The following HSPA12A variants were observed in gnomAD, a reference collection of about 807,000 sequenced individuals.
The protein encoded by HSPA12A is heat shock 70 kDa protein 12A.
Under a neutral mutation model 69.2 loss-of-function variants are expected in HSPA12A, and 28 were observed. The observed-to-expected ratio is 0.40, with a 90% confidence interval of 0.30 to 0.55. The LOEUF is 0.55. HSPA12A is among the 20% of genes least tolerant of loss of function. HSPA12A has a pLI of 0.38. For missense variants in HSPA12A, 686 were observed against 900.7 expected (o/e 0.76, Z 3.05); for synonymous variants, 345 against 370.5 (o/e 0.93, Z 0.79).
At chr10:116,756,575 C>T (rs1843856277) in intron 2 of HSPA12A, among the ~76,000 whole-genome samples, 1 of 152,204 alleles carries the variant, frequency 6.6e-6, no homozygotes, top group Non-Finnish European at 1.5e-5. Context: ...GGGTGGGGCT[C>T]ACTCTACCCC....
At chr10:116,697,463 G>A (rs1554881006) in intron 5 of HSPA12A, among the ~76,000 whole-genome samples, 1 of 148,328 alleles carries the variant, frequency 6.7e-6, no homozygotes, top group East Asian at 2.0e-4. Context: ...GGAGGAGGGG[G>A]AGGAGGGGGA....
At chr10:116,737,461 C>T (rs1165525208) in intron 1 of HSPA12A, among the ~76,000 whole-genome samples, 2 of 152,152 alleles carry the variant, frequency 1.3e-5, no homozygotes, top group Non-Finnish European at 2.9e-5. Flanking sequence ...ACCTGCACAC[C>T]CTACTGCCTC....
At chr10:116,785,880 C>A (rs1844564643) in intron 2 of HSPA12A, among the ~76,000 whole-genome samples, 1 of 152,148 alleles carries the variant, frequency 6.6e-6, no homozygotes, top group African/African-American at 2.4e-5. Flanking sequence ...CTATTTCCCC[C>A]CCTCCCCTCA....
intron 4 of HSPA12A, among the ~76,000 whole-genome samples, chr10:116,699,496 G>GAA (rs36103789): frequency 6.6e-6 from 1 of 151,766 alleles, no homozygotes; most frequent in African/African-American, 2.4e-5. Context: ...CTGCCAGGGG[G>GAA]AAAAAAATCA....
chr10:116,791,842 G>A lies in HSPA12A; in HGVS notation c.91+43093C>T, dbSNP rs569645887. ...CCCTGCCTGCAGAATCTTCCATCTC[G>A]GTAAACAGGCTTCACTCCTGCCTTG... is the stretch of plus-strand genomic sequence containing the variant. On this transcript the variant is annotated intron_variant, in intron 2 of 12. Coordinates refer to the HSPA12A transcript ENST00000635765. 2.8e-4 allele frequency among the ~76,000 whole-genome samples: 43 copies of A among 151,940 alleles called. No homozygotes were observed. In the South Asian group the frequency reaches 3.1e-3, roughly 11 times the overall value.
At chr10:116,849,336 T>C (rs1440782990) in intron 1 of HSPA12A, among the ~76,000 whole-genome samples, 3 of 151,760 alleles carry the variant, frequency 2.0e-5, no homozygotes, top group Non-Finnish European at 4.4e-5. Flanking sequence ...GTCTCGGGAG[T>C]CTAGGAGGAG....
At chr10:116,740,651 T>A (rs1162247277) in intron 1 of HSPA12A, among the ~76,000 whole-genome samples, 1 of 14,754 alleles carries the variant, frequency 6.8e-5, no homozygotes, top group East Asian at 2.0e-3. Context: ...TGTGTGTGTG[T>A]GTGTGTGTGT....
upstream of HSPA12A, chr10:116,742,583 G>C (rs1554887381): frequency 8.8e-7 from 1 of 1,132,028 alleles, no homozygotes; most frequent in East Asian, 4.6e-5. Flanking sequence ...CCGGGCAGCG[G>C]GAGCGCTGCT....
intron 2 of HSPA12A, among the ~76,000 whole-genome samples, chr10:116,804,599 G>A (rs1270739652): frequency 3.9e-5 from 6 of 152,120 alleles, no homozygotes; most frequent in African/African-American, 1.4e-4. Context: ...AACATTAGTG[G>A]GAGGAAATGT....
intron 1 of HSPA12A, among the ~76,000 whole-genome samples, chr10:116,730,318 A>C (rs1248254057): frequency 6.6e-6 from 1 of 152,194 alleles, no homozygotes; most frequent in Non-Finnish European, 1.5e-5. Context: ...TTTTGAGATA[A>C]GGTCACGGGG....
intron 2 of HSPA12A, chr10:116,828,794 T>C (rs1421235851): frequency 6.6e-6 from 1 of 152,180 alleles, no homozygotes; most frequent in Non-Finnish European, 1.5e-5. Context: ...TACACAACCA[T>C]GAATTCTGAT....
chr10:116,679,787 C>T (rs1322095497), intron 9 of HSPA12A, 26 bp from the exon 10 acceptor site: 2 of 1,607,276 alleles, frequency 1.2e-6, no homozygotes, highest in Non-Finnish European at 1.7e-6. Context: ...AAAGGGAGGC[C>T]ATGGTGTTAA....
In HSPA12A at chr10:116,726,019, A is replaced by ACACACG. The variant is rs1350843209; in HGVS notation, c.40+16410_40+16411insCGTGTG. Among the ~76,000 whole-genome samples, 6 of 45,556 alleles carry ACACACG rather than the reference A, an allele frequency of 1.3e-4. No individual in the cohort carries two copies. The East Asian group carries it at 2.4e-3, about 18-fold the overall frequency. 29.9% of individuals were successfully genotyped at this position (45,556 alleles called of 152,430 possible). A position where few individuals can be genotyped will look rare whatever the true frequency, so the allele number is the denominator to read the frequency against. ...TTCAACATACAAGGTTTAGACACACACACACACGCACACACACACACACAC... is the reference window on the plus strand; with the variant it reads ...TTCAACATACAAGGTTTAGACACACACACACGCACACACGCACACACACACACACAC... On this transcript the variant is annotated intron_variant, in intron 1 of 11. Coordinates refer to ENST00000369209, the MANE Select transcript of HSPA12A (RefSeq NM_025015.3).
At chr10:116,726,132 C>T (rs1554885002) in intron 1 of HSPA12A, among the ~76,000 whole-genome samples, 1 of 151,896 alleles carries the variant, frequency 6.6e-6, no homozygotes, top group African/African-American at 2.4e-5. Context: ...GCTGGTCTTC[C>T]CTCCCAAGAG....
chr10:116,779,185 T>C (rs1034410475), intron 2 of HSPA12A, among the ~76,000 whole-genome samples: 2 of 152,160 alleles, frequency 1.3e-5, no homozygotes, highest in African/African-American at 4.8e-5. Context: ...GAGCGACACA[T>C]CGTGGCTGAA....
chr10:116,714,458 T>C (rs560892931), intron 1 of HSPA12A, among the ~76,000 whole-genome samples: 1 of 152,248 alleles, frequency 6.6e-6, no homozygotes, highest in Admixed American at 6.5e-5. Context: ...CTAATTAGCA[T>C]CTCTTGCATT....
intron 1 of HSPA12A, among the ~76,000 whole-genome samples, chr10:116,719,350 C>T (rs1850704563): frequency 6.6e-6 from 1 of 152,178 alleles, no homozygotes; most frequent in Non-Finnish European, 1.5e-5. Flanking sequence ...AGGGTGGACG[C>T]ACAGGGGCGT....
intron 5 of HSPA12A, 127 bp from the exon 6 acceptor site, chr10:116,692,594 A>T (rs1554880296): frequency 1.4e-6 from 1 of 690,876 alleles, no homozygotes; most frequent in African/African-American, 1.8e-5. Flanking sequence ...GGGTCCCCCA[A>T]ACTTACCAGC....
intron 1 of HSPA12A, among the ~76,000 whole-genome samples, chr10:116,740,296 A>T (rs1464421429): frequency 6.6e-6 from 1 of 152,188 alleles, no homozygotes; most frequent in Non-Finnish European, 1.5e-5. Flanking sequence ...AAAACAATAA[A>T]ATAATGCACG....
Sources: allele counts gnomAD v4.1 joint callset (sites outside exome capture counted in the v4.1 genomes callset), GRCh38; gene constraint gnomAD v4.1.1; transcripts MANE v1.5; gene names NCBI Gene and HGNC (gene_info 2026-07-23, HGNC 2026-07-21).